DUS1L: variants seen among roughly 807,000 people sequenced by gnomAD.
DUS1L encodes the protein tRNA-dihydrouridine(16/17) synthase [NAD(P)(+)]-like.
DUS1L carries 56 observed loss-of-function variants against 61.2 expected under a neutral mutation model. That is an observed-to-expected ratio of 0.92 (90% CI 0.74 to 1.14). The LOEUF is 1.14. Among genes scored for constraint, DUS1L ranks in the 50% most tolerant of loss-of-function variants. The pLI is 0.00. For missense variants in DUS1L, 630 were observed against 632.4 expected (o/e 1.00, Z 0.04); for synonymous variants, 278 against 259.5 (o/e 1.07, Z -0.69).
At chr17:82,060,157 C>T (rs2033409264) in intron 10 of DUS1L, 64 bp from the exon 11 acceptor site, 4 of 1,567,940 alleles carry the variant, frequency 2.6e-6, no homozygotes, top group South Asian at 1.2e-5. Context: ...GCCACAGCCA[C>T]ACGGGTCTGA....
Position 82,061,214 on chromosome 17 carries a change from G to C in DUS1L, c.837C>G (p.His279Gln). Residue 279 changes from histidine to glutamine, a missense_variant, in exon 8 of 14, where the codon CAC becomes CAG. By Grantham distance (24) the His-to-Gln change is conservative. Coordinates refer to ENST00000306796, the MANE Select transcript of DUS1L (RefSeq NM_022156.5). ...YVRAHLFKLW[H>Q]HTLQVHQELR... ...TGCCTTAGGGGGCAACTCACGTGTG[G>C]TGCCACAGCTTGAAGAGGTGGGCCC... 6.3e-7 allele frequency: 1 copy of C among 1,589,698 alleles called. No homozygotes were observed. The highest frequency in any genetic ancestry group is 8.6e-7 in the Non-Finnish European group (1 of 1,165,228).
chr17:82,059,714 A>G, intron 11 of DUS1L: 1 of 579,290 alleles, frequency 1.7e-6, no homozygotes, highest in Non-Finnish European at 3.0e-6. Flanking sequence ...CTTGTCCCAT[A>G]GCCTCATCTG....
rs766357232 is a variant in DUS1L, at chr17:82,064,275, C to T, written c.238-41G>A. The T allele has an allele frequency of 2.1e-5, 33 of 1,564,268 alleles. No homozygotes were observed. In the Admixed American group the frequency reaches 2.9e-4, roughly 14 times the overall value. ...GAGTCAGCCACGGGCCCAGCCAGGC[C>T]CTAGTCCCTTGCTGCCCAGCCCTAC... On this transcript the variant is annotated intron_variant, in intron 2 of 13. Coordinates refer to ENST00000306796, the MANE Select transcript of DUS1L (RefSeq NM_022156.5).
chr17:82,063,935 G>C (rs911877371), intron 3 of DUS1L, among the ~76,000 whole-genome samples, 191 bp downstream of exon 3: 1 of 152,192 alleles, frequency 6.6e-6, no homozygotes, highest in South Asian at 2.1e-4. Context: ...AGTAGGGCTC[G>C]GCCCCTAGCC....
At chr17:82,063,588 T>A (rs1412222107) in intron 3 of DUS1L, 70 bp from the exon 4 acceptor site, 2 of 1,596,750 alleles carry the variant, frequency 1.3e-6, no homozygotes. Context: ...TTGCACCCCC[T>A]CTGCACCCTT....
intron 5 of DUS1L, 71 bp from the exon 6 acceptor site, chr17:82,062,054 A>G (rs1459326705): frequency 2.0e-6 from 2 of 1,010,608 alleles, no homozygotes; most frequent in East Asian, 4.7e-5. Context: ...CCGCCCCTCC[A>G]CGCCCCCTCT....
chr17:82,059,913 GCT>G (rs1568085056), intron 11 of DUS1L, 33 bp downstream of exon 11: 2 of 1,612,206 alleles, frequency 1.2e-6, no homozygotes, highest in Non-Finnish European at 1.7e-6. Flanking sequence ...TGATGAAGAG[GCT>G]CTCTCGGGCC....
intron 8 of DUS1L, 25 bp from the exon 9 acceptor site, chr17:82,060,986 G>T (rs566062174): frequency 4.4e-6 from 7 of 1,603,174 alleles, no homozygotes; most frequent in Admixed American, 1.7e-5. Flanking sequence ...CTGTCACGCA[G>T]GCTGGGCTCC....
chr17:82,058,987 T>C, intron 11 of DUS1L, 169 bp from the exon 12 acceptor site: 1 of 642,636 alleles, frequency 1.6e-6, no homozygotes, highest in Non-Finnish European at 2.8e-6. Flanking sequence ...ACGTCTGCTT[T>C]TCCTTCCGTG....
chr17:82,062,134 C>CCTTT, intron 5 of DUS1L, 151 bp from the exon 6 acceptor site: 1 of 682,930 alleles, frequency 1.5e-6, no homozygotes, highest in Non-Finnish European at 2.4e-6. Context: ...ACTGCAGGGA[C>CCTTT]CTTTCCCTCA....
At position 82,062,055 on chromosome 17, in the gene DUS1L, C is replaced by T. The variant is rs1427896005; in HGVS notation, c.511-72G>A. 7.4e-6 allele frequency: 10 copies of T among 1,355,060 alleles called. No individual in the cohort carries two copies. In the Admixed American group the frequency reaches 1.7e-4, roughly 23 times the overall value. 83.9% of individuals were successfully genotyped at this position (1,355,060 alleles called of 1,614,324 possible). On this transcript the variant is annotated intron_variant, in intron 5 of 13. Transcript: ENST00000306796. ...CCTCAGAGCCCCCTCCGCCCCTCCA[C>T]GCCCCCTCTGCCCCTACTCCACCCC...
rs2033653949 is a variant in DUS1L, at chr17:82,064,253, T to C, written c.238-19A>G. 2.5e-6 allele frequency: 4 copies of C among 1,603,828 alleles called. No individual in the cohort carries two copies. Among genetic ancestry groups the C allele is most frequent in the Non-Finnish European group, 3.4e-6 (4 of 1,176,292 alleles). On this transcript the variant is annotated intron_variant, in intron 2 of 13. Transcript: ENST00000306796. ...CACAGAACTGGAGAAGATGCAGGAG[T>C]CAGCCACGGGCCCAGCCAGGCCCTA...
At position 82,060,213 on chromosome 17, in the gene DUS1L, A is replaced by AGGAGTGCCGCTGCT. The variant is rs371314050; in HGVS notation, c.1023-121_1023-120insAGCAGCGGCACTCC. The AGGAGTGCCGCTGCT allele has an allele frequency of 4.7e-3, 5,712 of 1,206,316 alleles. 213 individuals carry two copies. In the African/African-American group the frequency reaches 0.15, roughly 32 times the overall value. The allele number at this position is 1,206,316 out of a possible 1,614,324, so 74.7% of individuals were successfully genotyped here. ...GGCCGTGGCGAGTGCCGCTGCTGTG[A>AGGAGTGCCGCTGCT]GGAGTGCCCTCCTTTCCCTCGGGCA... On this transcript the variant is annotated intron_variant, in intron 10 of 13. Coordinates refer to ENST00000306796, the MANE Select transcript of DUS1L (RefSeq NM_022156.5).
At position 82,058,170 on chromosome 17, in the gene DUS1L, G is replaced by T. The variant is rs554986291; in HGVS notation, c.1367C>A (p.Ala456Glu). Reference protein sequence around the residue: ...AQPELQEPQPAAPGTPGGFSE... With the variant: ...AQPELQEPQPEAPGTPGGFSE... ...GAAGCCACCTGGTGTTCCAGGTGCT[G>T]CTGGCTGAGGCTCCTGCAGCTCAGG... Residue 456 changes from alanine to glutamate, a missense_variant, in exon 14 of 14, where the codon GCA becomes GAA. Transcript: ENST00000306796. 1 of 1,598,972 alleles carries T rather than the reference G, an allele frequency of 6.3e-7. No individual in the cohort carries two copies. Among genetic ancestry groups the T allele is most frequent in the South Asian group, 1.1e-5 (1 of 90,268 alleles).
chr17:82,058,885 G>A (rs113000111), intron 11 of DUS1L, 67 bp from the exon 12 acceptor site: 48 of 1,431,976 alleles, frequency 3.4e-5, no homozygotes, highest in Middle Eastern at 1.9e-4. Flanking sequence ...GGGCTGCCCC[G>A]TCCGCCTGCA....
rs755601326 is a variant in DUS1L, at chr17:82,060,877, C to T, written c.927G>A (p.Lys309=). 17 of 1,612,012 alleles carry T rather than the reference C, an allele frequency of 1.1e-5. No individual in the cohort carries two copies. The highest frequency in any genetic ancestry group is 2.7e-5 in the African/African-American group (2 of 74,934). ...CCCCAGCACCTGCCTGACACCGCAG[C>T]TTCAGCTCCTGGCTCACAGCAGCGA... ...EGIAAVSQEL[K]LRCQEEISRQ... The change falls in exon 9 of 14, where the codon AAG becomes AAA. Residue 309 remains lysine (K), a synonymous_variant. Coordinates refer to ENST00000306796, the MANE Select transcript of DUS1L (RefSeq NM_022156.5).
rs535537390 is a variant in DUS1L at position 82,060,885 on chromosome 17, C to T, written c.919G>A (p.Glu307Lys). The part of the protein sequence containing the change: ...TLEGIAAVSQ[E>K]LKLRCQEEIS... ...CCTGCCTGACACCGCAGCTTCAGCT[C>T]CTGGCTCACAGCAGCGATGCCCTCC... is the stretch of plus-strand genomic sequence containing the variant. Residue 307 changes from glutamate to lysine, a missense_variant, in exon 9 of 14, where the codon GAG becomes AAG. Glu to Lys is a moderately conservative substitution (Grantham distance 56). Coordinates refer to ENST00000306796, the MANE Select transcript of DUS1L (RefSeq NM_022156.5). The T allele has an allele frequency of 7.4e-6, 12 of 1,612,066 alleles. 1 individual carries two copies. The East Asian group carries it at 8.9e-5, about 12-fold the overall frequency.
chr17:82,060,201 G>A (rs1276092568), intron 10 of DUS1L, 108 bp from the exon 11 acceptor site: 3 of 1,418,900 alleles, frequency 2.1e-6, no homozygotes, highest in Non-Finnish European at 2.8e-6. Flanking sequence ...CGTGGCGAGT[G>A]CCGCTGCTGT....
At chr17:82,060,327 C>T in intron 10 of DUS1L, 1 of 614,540 alleles carries the variant, frequency 1.6e-6, no homozygotes, top group Non-Finnish European at 2.8e-6. Flanking sequence ...CCACCAGCTC[C>T]AGGGAGGGCT....
Sources: gnomAD v4.1 joint callset for allele counts (sites outside exome capture counted in the v4.1 genomes callset) on GRCh38, gnomAD v4.1.1 for gene constraint, MANE v1.5 for transcripts, NCBI Gene and HGNC (gene_info 2026-07-23, HGNC 2026-07-21) for gene names.